Variants in KCNQ2 observed in about 807,000 individuals in gnomAD.
KCNQ2 encodes the protein potassium voltage-gated channel subfamily Q member 2.
Under a neutral mutation model 84.8 loss-of-function variants are expected in KCNQ2, and 14 were observed. The ratio of observed to expected loss-of-function variants is 0.17; its 90% CI spans 0.11 to 0.26. KCNQ2 has a LOEUF of 0.26. KCNQ2 is among the 10% of genes least tolerant of loss of function. The pLI, the probability that KCNQ2 is intolerant of heterozygous loss-of-function variation, is 1.00. For synonymous variants in KCNQ2, 599 were observed against 554.1 expected (o/e 1.08, Z -1.14); for missense variants, 788 against 1,254.0 (o/e 0.63, Z 5.61).
chr20:63,438,345 T>G lies in KCNQ2; in HGVS notation c.1023+280A>C. 1 of 547,132 alleles carries G rather than the reference T, an allele frequency of 1.8e-6. No homozygotes were observed. 33.9% of individuals were successfully genotyped at this position (547,132 alleles called of 1,614,324 possible). A position where few individuals can be genotyped will look rare whatever the true frequency, so the allele number is the denominator to read the frequency against. ...GAACGGGTGTGCTCACCTCCCAGGG[T>G]GCGGTAGAGAGGACCTGATGGCCGG... is the stretch of plus-strand genomic sequence containing the variant. On this transcript the variant is annotated intron_variant, in intron 7 of 16. Coordinates refer to ENST00000359125, the MANE Select transcript of KCNQ2 (RefSeq NM_172107.4). This position sits in a 1 kb window ranked among gnomAD's most constrained non-coding sequence, Gnocchi z 5.1.
chr20:63,439,558 C>T (rs373369257), intron 6 of KCNQ2, 40 bp downstream of exon 6: 114 of 1,484,178 alleles, frequency 7.7e-5, no homozygotes, highest in Non-Finnish European at 1.0e-4. Flanking sequence ...CCTACAAGAC[C>T]TCGTCCCCCT....
intron 1 of KCNQ2, among the ~76,000 whole-genome samples, chr20:63,469,450 C>T (rs1044491101): frequency 6.6e-6 from 1 of 152,246 alleles, no homozygotes; most frequent in Non-Finnish European, 1.5e-5. Flanking sequence ...CTGGACGTCC[C>T]CACCTCCCCA....
chr20:63,442,315 G>A, intron 5 of KCNQ2, 91 bp downstream of exon 5: 1 of 1,433,278 alleles, frequency 7.0e-7, no homozygotes, highest in African/African-American at 1.4e-5. Flanking sequence ...AGAGATGTAT[G>A]GAGCAGGCTC....
chr20:63,444,668 G>T lies in KCNQ2; in HGVS notation c.681C>A (p.Ala227=), dbSNP rs1472366685. ...TGGGGCCGTGACTCACCTTGCTGTG[G>T]GCATAGACCACAGAGCCCAGCAGCT... The part of the protein sequence containing the change: ...TWKLLGSVVY[A]HSKELVTAWY... Residue 227 remains alanine (A), a synonymous_variant, in exon 4 of 17, where the codon GCC becomes GCA. Transcript: ENST00000359125. 10 of 1,563,568 alleles carry T rather than the reference G, an allele frequency of 6.4e-6. No individual in the cohort carries two copies. The East Asian group carries it at 2.1e-4, about 33-fold the overall frequency.
At chr20:63,439,011 G>A (rs1331693018) in intron 6 of KCNQ2, among the ~76,000 whole-genome samples, 1 of 152,214 alleles carries the variant, frequency 6.6e-6, no homozygotes, top group Non-Finnish European at 1.5e-5. Context: ...GCATCAAGAG[G>A]AAGGAACCCT....
chr20:63,433,704 A>G, intron 8 of KCNQ2, 105 bp downstream of exon 8: 1 of 1,593,576 alleles, frequency 6.3e-7, no homozygotes, highest in Non-Finnish European at 8.6e-7. Flanking sequence ...CATTTTAAAG[A>G]AAAAAAATCA....
In KCNQ2 at chr20:63,414,077, A is replaced by AG. The variant is rs2080209154; in HGVS notation, c.1631+10dup. 6.2e-7 allele frequency: 1 copy of AG among 1,603,666 alleles called. No homozygotes were observed. The highest frequency in any genetic ancestry group is 8.5e-7 in the Non-Finnish European group (1 of 1,171,494). ...CACTCCCCCAGGCTCCCGGCTGGGC[A>AG]GGGGCCTCACCACACGGCTCTGATG... On this transcript the variant is annotated intron_variant, in intron 14 of 16. Transcript: ENST00000359125. The surrounding 1 kb of genome is among the most constrained non-coding windows in gnomAD (Gnocchi z 6.6).
At chr20:63,451,387 C>T (rs1027650537) in intron 1 of KCNQ2, among the ~76,000 whole-genome samples, 3 of 152,092 alleles carry the variant, frequency 2.0e-5, no homozygotes, top group Non-Finnish European at 4.4e-5. Context: ...ACCAGATGAG[C>T]ACACGGCAAT....
At chr20:63,411,737 A>G (rs980224181) in intron 15 of KCNQ2, 8 of 583,384 alleles carry the variant, frequency 1.4e-5, no homozygotes, top group Admixed American at 1.3e-4. Flanking sequence ...GGGGCCGGCC[A>G]TTCCACAGAC....
chr20:63,438,531 C>G lies in KCNQ2; in HGVS notation c.1023+94G>C. 1 of 1,015,532 alleles carries G rather than the reference C, an allele frequency of 9.8e-7. No homozygotes were observed. Among genetic ancestry groups the G allele is most frequent in the Non-Finnish European group, 1.6e-6 (1 of 642,714 alleles). The allele number at this position is 1,015,532 out of a possible 1,614,324, so 62.9% of individuals were successfully genotyped here. On this transcript the variant is annotated intron_variant, in intron 7 of 16. Coordinates refer to ENST00000359125, the MANE Select transcript of KCNQ2 (RefSeq NM_172107.4). This position sits in a 1 kb window ranked among gnomAD's most constrained non-coding sequence, Gnocchi z 5.1. ...GTGAGCGCTGTGGCCCATCCACAGA[C>G]AGGGCAATGCCAAAGCCCCAGCGGC... is the stretch of plus-strand genomic sequence containing the variant.
intron 9 of KCNQ2, 85 bp from the exon 10 acceptor site, chr20:63,428,520 C>G: frequency 3.4e-6 from 4 of 1,165,928 alleles, no homozygotes; most frequent in Non-Finnish European, 5.0e-6. Context: ...GCTCCATGGG[C>G]AGGCGCCTGC....
intron 1 of KCNQ2, among the ~76,000 whole-genome samples, chr20:63,457,225 C>G (rs2081826610): frequency 6.6e-6 from 1 of 152,232 alleles, no homozygotes; most frequent in Non-Finnish European, 1.5e-5. Flanking sequence ...AGAGACCTCT[C>G]GCGTGGAGCC....
In KCNQ2 at chr20:63,442,393, G is replaced by C; in HGVS notation, c.816+13C>G. ...CAGCAGGGAAAGGGAAAACCACAAT[G>C]ACCACAACTCACCAGGCCCCACCAG... On this transcript the variant is annotated intron_variant, in intron 5 of 16. Transcript: ENST00000359125. The C allele has an allele frequency of 6.2e-7, 1 of 1,613,772 alleles. No individual in the cohort carries two copies. The highest frequency in any genetic ancestry group is 8.5e-7 in the Non-Finnish European group (1 of 1,179,938).
chr20:63,412,194 G>C (rs576388679), intron 15 of KCNQ2: 4 of 307,746 alleles, frequency 1.3e-5, no homozygotes, highest in Admixed American at 9.9e-5. Context: ...GACAGGCCGC[G>C]GCGGGGCAAC....
chr20:63,410,519 G>A (rs1260573366), intron 15 of KCNQ2, among the ~76,000 whole-genome samples: 1 of 152,190 alleles, frequency 6.6e-6, no homozygotes, highest in Non-Finnish European at 1.5e-5. Context: ...TTGCGGCAAG[G>A]CACAGGAGGA....
In KCNQ2 at chr20:63,411,740, CCA is replaced by C. The variant is rs927492645; in HGVS notation, c.1763+1708_1763+1709del. ...GCCTGGAGCGAAGGGGCCGGCCATT[CCA>C]CAGACACGTCGGAGAGGCGCTGGCA... On this transcript the variant is annotated intron_variant, in intron 15 of 16. Transcript: ENST00000359125. 13 of 586,552 alleles carry C rather than the reference CCA, an allele frequency of 2.2e-5. No homozygotes were observed. In the African/African-American group the frequency reaches 2.4e-4, roughly 11 times the overall value. The allele number at this position is 586,552 out of a possible 1,614,324, so 36.3% of individuals were successfully genotyped here. A position where few individuals can be genotyped will look rare whatever the true frequency, so the allele number is the denominator to read the frequency against.
intron 15 of KCNQ2, 147 bp downstream of exon 15, chr20:63,413,303 A>G: frequency 1.2e-6 from 1 of 830,170 alleles, no homozygotes; most frequent in East Asian, 2.7e-5. Flanking sequence ...TTGTGAAGAC[A>G]CAACAGAAGC....
intron 9 of KCNQ2, among the ~76,000 whole-genome samples, chr20:63,428,733 C>A (rs2080707178): frequency 6.6e-6 from 1 of 152,142 alleles, no homozygotes; most frequent in Admixed American, 6.5e-5. Context: ...GACCCTGCAG[C>A]CTGGAGCAGG....
chr20:63,424,216 G>GA lies in KCNQ2; in HGVS notation c.1218-11dup, dbSNP rs761233540. Reference sequence around the variant, plus strand: ...CGGCGGGGGGTCCTTCCTTCAAACAGAAGCAACAGAGAGTTAGTGGCCGCC... The same window carrying GA: ...CGGCGGGGGGTCCTTCCTTCAAACAGAAAGCAACAGAGAGTTAGTGGCCGCC... On this transcript the variant is annotated splice_polypyrimidine_tract_variant and intron_variant, in intron 10 of 16. Transcript: ENST00000359125. 9.0e-6 allele frequency: 14 copies of GA among 1,554,250 alleles called. No homozygotes were observed. The Admixed American group carries it at 2.7e-4, about 30-fold the overall frequency.
Sources: gnomAD v4.1 joint callset for allele counts (sites outside exome capture counted in the v4.1 genomes callset) on GRCh38, gnomAD v4.1.1 for gene constraint, Gnocchi (gnomAD v3.1) non-coding constraint, MANE v1.5 for transcripts, NCBI Gene and HGNC (gene_info 2026-07-23, HGNC 2026-07-21) for gene names.